The following GEN1 variants were observed in gnomAD, a reference collection of about 807,000 sequenced individuals.
GEN1 encodes the protein GEN1 structure-specific endonuclease.
In GEN1, 64 loss-of-function variants were observed where a neutral mutation model predicts 67.6. The observed-to-expected ratio is 0.95, with a 90% CI of 0.77 to 1.17. GEN1 has a LOEUF of 1.17. GEN1 is among the 50% of genes most tolerant of loss of function. The pLI is 0.00. For missense variants in GEN1, 1,058 were observed against 1,048.3 expected (o/e 1.01, Z -0.13); for synonymous variants, 371 against 359.4 (o/e 1.03, Z -0.37).
chr2:17,773,981 G>A (rs1320229887), intron 10 of GEN1, among the ~76,000 whole-genome samples: 3 of 152,066 alleles, frequency 2.0e-5, no homozygotes, highest in African/African-American at 7.2e-5. Context: ...AATCTGTGAA[G>A]TGGGTTGTAA....
chr2:17,771,484 A>G (rs539332925), intron 7 of GEN1, among the ~76,000 whole-genome samples, 197 bp downstream of exon 7: 2 of 152,320 alleles, frequency 1.3e-5, no homozygotes, highest in African/African-American at 2.4e-5. Context: ...ATTGAAACCA[A>G]TAATGTGATG....
At position 17,760,044 on chromosome 2, in the gene GEN1, G is replaced by C. The variant is rs1558395101; in HGVS notation, c.101G>C (p.Trp34Ser). ...ACCATTGCAGTTGATCTGAGTCTCT[G>C]GGTGTGTGAGGCACAGACAGTCAAA... ...GKTIAVDLSL[W>S]VCEAQTVKKM... Residue 34 changes from tryptophan (W) to serine (S), a missense_variant, in exon 2 of 14, where the codon TGG (tryptophan) becomes TCG (serine). Physicochemically the swap from Trp to Ser is radical, Grantham distance 177 (BLOSUM62 -3). Transcript: ENST00000381254. 6.2e-7 allele frequency: 1 copy of C among 1,614,022 alleles called. No individual in the cohort carries two copies. Among genetic ancestry groups the C allele is most frequent in the Non-Finnish European group, 8.5e-7 (1 of 1,179,986 alleles).
At chr2:17,769,810 T>C in intron 6 of GEN1, among the ~76,000 whole-genome samples, 1 of 151,194 alleles carries the variant, frequency 6.6e-6, no homozygotes, top group Admixed American at 6.6e-5. Context: ...TAAAAATTAA[T>C]ATTAATGATG....
intron 12 of GEN1, 102 bp downstream of exon 12, chr2:17,778,165 T>G (rs1370990815): frequency 3.3e-5 from 15 of 448,762 alleles, no homozygotes; most frequent in Non-Finnish European, 5.7e-5. Context: ...CACACACACA[T>G]AGATATGTGT....
chr2:17,769,987 A>G (rs1672111938), intron 6 of GEN1, among the ~76,000 whole-genome samples: 1 of 152,192 alleles, frequency 6.6e-6, no homozygotes, highest in Admixed American at 6.5e-5. Context: ...CTTTCCTATG[A>G]TACTTCTCTT....
At chr2:17,770,327 ATTC>A (rs1490708899) in intron 6 of GEN1, among the ~76,000 whole-genome samples, 1 of 152,070 alleles carries the variant, frequency 6.6e-6, no homozygotes, top group East Asian at 1.9e-4. Context: ...TTGCCGTGCT[ATTC>A]TTTATCTGGA....
At chr2:17,761,165 G>A (rs962803906) in intron 2 of GEN1, among the ~76,000 whole-genome samples, 3 of 151,848 alleles carry the variant, frequency 2.0e-5, no homozygotes, top group Non-Finnish European at 4.4e-5. Flanking sequence ...AGGAGATTGA[G>A]GCTGCACTGA....
At chr2:17,755,986 A>G (rs13395146) in intron 1 of GEN1, among the ~76,000 whole-genome samples, 5,597 of 152,290 alleles carry the variant, frequency 0.037, 305 homozygotes, top group African/African-American at 0.11. Context: ...TAAGATGGAA[A>G]TTTATGTTCT....
chr2:17,772,949 A>T, intron 8 of GEN1, 147 bp from the exon 9 acceptor site: 2 of 797,902 alleles, frequency 2.5e-6, no homozygotes, highest in South Asian at 3.8e-5. Flanking sequence ...GGAGATAGTA[A>T]TGTAATAGTT....
At chr2:17,778,651 G>A (rs186520461) in intron 12 of GEN1, among the ~76,000 whole-genome samples, 11 of 151,986 alleles carry the variant, frequency 7.2e-5, no homozygotes, top group African/African-American at 1.7e-4. Flanking sequence ...AAGTAATACC[G>A]AAATAATTTT....
intron 12 of GEN1, among the ~76,000 whole-genome samples, chr2:17,778,925 T>C (rs938478862): frequency 6.6e-6 from 1 of 152,144 alleles, no homozygotes; most frequent in Non-Finnish European, 1.5e-5. Flanking sequence ...ATGAAAGTAA[T>C]AATACTTTTT....
chr2:17,772,059 C>A (rs1284603038), intron 7 of GEN1, among the ~76,000 whole-genome samples: 1 of 151,448 alleles, frequency 6.6e-6, no homozygotes, highest in Non-Finnish European at 1.5e-5. Flanking sequence ...TACATATTCT[C>A]AAGACAATGT....
chr2:17,777,487 A>G (rs1672490638), intron 11 of GEN1, among the ~76,000 whole-genome samples: 1 of 152,182 alleles, frequency 6.6e-6, no homozygotes, highest in Non-Finnish European at 1.5e-5. Flanking sequence ...GGAAGTAACA[A>G]AGAAAAAGCT....
intron 1 of GEN1, among the ~76,000 whole-genome samples, chr2:17,757,495 A>G (rs1272483922): frequency 2.0e-5 from 3 of 152,120 alleles, no homozygotes; most frequent in South Asian, 2.1e-4. Context: ...CTAGGTGGCA[A>G]TCTTCACTAC....
rs1360384567 is a variant in GEN1 at position 17,764,931 on chromosome 2, G to C, written c.383G>C (p.Trp128Ser). The change falls in exon 4 of 14, where the codon TGG (tryptophan) becomes TCG (serine). Residue 128 changes from tryptophan to serine, a missense_variant. Coordinates refer to ENST00000381254, the MANE Select transcript of GEN1 (RefSeq NM_001130009.3). ...LHMLECLGIP[W>S]VQAAGEAEAM... is the part of the protein sequence containing the mutation. ...ATGCTCGAATGCTTAGGAATCCCCT[G>C]GGTTCAGGCTGCTGGGGAAGCTGAA... The C allele has an allele frequency of 1.2e-6, 2 of 1,613,910 alleles. No homozygotes were observed. Among genetic ancestry groups the C allele is most frequent in the Admixed American group, 3.3e-5 (2 of 59,974 alleles).
intron 3 of GEN1, among the ~76,000 whole-genome samples, chr2:17,762,351 G>A (rs1203208271): frequency 4.0e-5 from 6 of 151,140 alleles, no homozygotes; most frequent in Non-Finnish European, 8.9e-5. Flanking sequence ...ACAGGCGCCC[G>A]CCACCACACC....
At chr2:17,765,151 A>T in intron 4 of GEN1, 78 bp downstream of exon 4, 1 of 1,377,718 alleles carries the variant, frequency 7.3e-7, no homozygotes, top group Non-Finnish European at 1.0e-6. Context: ...GAAATAGTAG[A>T]TATAAAATGC....
chr2:17,774,452 A>G (rs1023832517), intron 11 of GEN1, 51 bp downstream of exon 11: 5 of 1,428,002 alleles, frequency 3.5e-6, no homozygotes, highest in Admixed American at 2.3e-5. Context: ...TGAGTATTTT[A>G]TAATTAAAAT....
At position 17,778,412 on chromosome 2, in the gene GEN1, A is replaced by ACG. The variant is rs1329722469; in HGVS notation, c.1264+349_1264+350insCG. Among the ~76,000 whole-genome samples, 10 of 31,500 alleles carry ACG rather than the reference A, an allele frequency of 3.2e-4. 2 individuals carry two copies. The highest frequency in any genetic ancestry group is 5.1e-4 in the Non-Finnish European group (7 of 13,648). The allele number at this position is 31,500 out of a possible 152,430, so 20.7% of individuals were successfully genotyped here. A position where few individuals can be genotyped will look rare whatever the true frequency, so the allele number is the denominator to read the frequency against. ...TGTACATATATGTATATACACACAT[A>ACG]TATGTGTGTACATATATGTATATAC... On this transcript the variant is annotated intron_variant, in intron 12 of 13. Coordinates refer to ENST00000381254, the MANE Select transcript of GEN1 (RefSeq NM_001130009.3).
Sources: allele counts gnomAD v4.1 joint callset (sites outside exome capture counted in the v4.1 genomes callset), GRCh38; gene constraint gnomAD v4.1.1; transcripts MANE v1.5; gene names NCBI Gene and HGNC (gene_info 2026-07-23, HGNC 2026-07-21).